Variants in SCN2A observed in about 807,000 individuals in gnomAD.
SCN2A encodes the protein sodium voltage-gated channel alpha subunit 2.
SCN2A carries 20 observed loss-of-function variants against 188.7 expected under a neutral mutation model. The observed-to-expected ratio is 0.11, with a 90% CI of 0.07 to 0.15. The LOEUF is 0.15. SCN2A is among the 10% of genes least tolerant of loss of function. SCN2A has a pLI of 1.00. For synonymous variants in SCN2A, 804 were observed against 833.1 expected (o/e 0.97, Z 0.60); for missense variants, 1,278 against 2,445.0 (o/e 0.52, Z 10.07).
intron 10 of SCN2A, 76 bp from the exon 11 acceptor site, chr2:165,315,395 A>G: frequency 6.3e-7 from 1 of 1,593,212 alleles, no homozygotes; most frequent in South Asian, 1.1e-5. Context: ...CATGATATTG[A>G]AGCTCAATTA....
At chr2:165,342,604 A>T in intron 15 of SCN2A, 135 bp downstream of exon 15, 1 of 905,604 alleles carries the variant, frequency 1.1e-6, no homozygotes, top group South Asian at 1.4e-5. Context: ...GGATTGCCAT[A>T]CCACCAAATG....
intron 19 of SCN2A, among the ~76,000 whole-genome samples, chr2:165,367,996 T>A (rs190673340): frequency 6.6e-6 from 1 of 152,180 alleles, no homozygotes; most frequent in East Asian, 1.9e-4. Flanking sequence ...CAGTGGAGGG[T>A]CAGAGTGACA....
At chr2:165,306,702 A>G (rs1375037284) in intron 3 of SCN2A, among the ~76,000 whole-genome samples, 1 of 152,124 alleles carries the variant, frequency 6.6e-6, no homozygotes, top group Non-Finnish European at 1.5e-5. Flanking sequence ...TGTTTTGACT[A>G]AAACCAGTAC....
At chr2:165,356,457 C>T (rs1199853745) in intron 17 of SCN2A, among the ~76,000 whole-genome samples, 1 of 152,128 alleles carries the variant, frequency 6.6e-6, no homozygotes, top group Non-Finnish European at 1.5e-5. Context: ...CTGAAGTCGG[C>T]ATTTATAAAA....
rs1216584691 is a variant in SCN2A, at chr2:165,365,169, A to G, written c.3426A>G (p.Glu1142=). The G allele has an allele frequency of 1.9e-6, 3 of 1,613,688 alleles. No homozygotes were observed. The highest frequency in any genetic ancestry group is 1.7e-5 in the Admixed American group (1 of 59,994). Residue 1142 remains glutamate, a synonymous_variant, in exon 18 of 27, where the codon GAA becomes GAG. Coordinates refer to ENST00000375437, the MANE Select transcript of SCN2A (RefSeq NM_001040142.2). ...KEKLNATSSS[E]GSTVDIGAPA... ...AGCTAAATGCAACTAGTTCATCTGA[A>G]GGCAGCACGGTTGATATTGGAGCTC...
rs760963593 is a variant in SCN2A, at chr2:165,331,472, C to T, written c.2292C>T (p.Ala764=). Residue 764 remains alanine (A), a synonymous_variant, in exon 14 of 27, where the codon GCC becomes GCT. Coordinates refer to ENST00000375437, the MANE Select transcript of SCN2A (RefSeq NM_001040142.2). The part of the protein sequence containing the change: ...LVVMDPFVDL[A]ITICIVLNTL... ...TAATGGACCCATTTGTTGACCTGGC[C>T]ATCACCATCTGCATTGTCTTAAATA... 3.8e-5 allele frequency: 62 copies of T among 1,613,710 alleles called. No individual in the cohort carries two copies. In the Middle Eastern group the frequency reaches 9.9e-4, roughly 26 times the overall value.
chr2:165,357,324 A>G (rs910513319), intron 17 of SCN2A, among the ~76,000 whole-genome samples: 1 of 152,184 alleles, frequency 6.6e-6, no homozygotes, highest in African/African-American at 2.4e-5. Context: ...ACAGGATTAC[A>G]TTGTTAAATA....
rs772742996 is a variant in SCN2A, at chr2:165,296,982, A to C, written c.268-35A>C. 5 of 1,067,854 alleles carry C rather than the reference A, an allele frequency of 4.7e-6. No individual in the cohort carries two copies. The East Asian group carries it at 1.0e-4, about 22-fold the overall frequency. 66.1% of individuals were successfully genotyped at this position (1,067,854 alleles called of 1,614,324 possible). A position where few individuals can be genotyped will look rare whatever the true frequency, so the allele number is the denominator to read the frequency against. ...TTAAAATATTCTTAATATATATTCT[A>C]AGTTTTATTTTATGTGTTGTGTTTT... is the stretch of plus-strand genomic sequence containing the variant. On this transcript the variant is annotated intron_variant, in intron 2 of 26. Transcript: ENST00000375437.
intron 3 of SCN2A, among the ~76,000 whole-genome samples, chr2:165,306,021 C>T (rs1697107110): frequency 6.6e-6 from 1 of 151,968 alleles, no homozygotes; most frequent in Non-Finnish European, 1.5e-5. Flanking sequence ...GGGAAGGTGT[C>T]CAGAATACCG....
At chr2:165,355,604 C>G (rs1350064968) in intron 17 of SCN2A, among the ~76,000 whole-genome samples, 1 of 151,888 alleles carries the variant, frequency 6.6e-6, no homozygotes. Flanking sequence ...AACTGTTTGG[C>G]GAGGAAGATA....
At chr2:165,256,095 T>C (rs1257629828) in intron 1 of SCN2A, among the ~76,000 whole-genome samples, 2 of 136,974 alleles carry the variant, frequency 1.5e-5, no homozygotes, top group African/African-American at 5.5e-5. Context: ...AACCTCCGCC[T>C]CCCGGGTTCA....
chr2:165,367,147 C>G (rs1700771691), intron 18 of SCN2A, 70 bp from the exon 19 acceptor site: 2 of 1,445,918 alleles, frequency 1.4e-6, no homozygotes, highest in Non-Finnish European at 1.9e-6. Flanking sequence ...GTAAATGAAT[C>G]TCCCACCAAC....
chr2:165,384,438 C>G (rs1440820110), intron 25 of SCN2A, among the ~76,000 whole-genome samples: 1 of 152,032 alleles, frequency 6.6e-6, no homozygotes, highest in African/African-American at 2.4e-5. Context: ...AATGGGAGAA[C>G]AGAACACAGA....
rs549820543 is a variant in SCN2A, at chr2:165,258,274, C to T, written c.-52+18634C>T. Among the ~76,000 whole-genome samples, 289 of 152,176 alleles carry T rather than the reference C, an allele frequency of 1.9e-3. 9 individuals are homozygous for T. In the South Asian group the frequency reaches 0.025, roughly 13 times the overall value. On this transcript the variant is annotated intron_variant, in intron 1 of 26. Transcript: ENST00000375437. Reference sequence around the variant, plus strand: ...TCTGGAATGGTATTTATGAGCTTACCTTCTAGGGTTTTTATAGCTTTAGGT... The same window carrying T: ...TCTGGAATGGTATTTATGAGCTTACTTTCTAGGGTTTTTATAGCTTTAGGT...
chr2:165,303,263 TATTTGAG>T, intron 3 of SCN2A, among the ~76,000 whole-genome samples: 2 of 141,666 alleles, frequency 1.4e-5, no homozygotes, highest in Non-Finnish European at 3.0e-5. Flanking sequence ...GAGTTTTTGT[TATTTGAG>T]TTTTTTTTTT....
intron 16 of SCN2A, among the ~76,000 whole-genome samples, chr2:165,351,998 GTATTTGTCCAGTAC>G (rs1699945176): frequency 1.3e-5 from 2 of 151,978 alleles, no homozygotes; most frequent in Non-Finnish European, 2.9e-5. Flanking sequence ...TGTAAATAGA[GTATTTGTCCAGTAC>G]AGAGGCAATA....
At chr2:165,377,264 T>C (rs916576045) in intron 22 of SCN2A, among the ~76,000 whole-genome samples, 9 of 151,990 alleles carry the variant, frequency 5.9e-5, no homozygotes, top group South Asian at 2.1e-4. Flanking sequence ...ACTATACACA[T>C]GAAATTTTTT....
At position 165,389,681 on chromosome 2, in the gene SCN2A, A is replaced by C; in HGVS notation, c.5875A>C (p.Thr1959Pro). Reference protein sequence around the residue: ...TLIDKLNENSTPEKTDMTPST... With the variant: ...TLIDKLNENSPPEKTDMTPST... ...CATTGATAAACTGAATGAGAATTCAACTCCAGAGAAAACCGATATGACGCC... is the reference window on the plus strand; with the variant it reads ...CATTGATAAACTGAATGAGAATTCACCTCCAGAGAAAACCGATATGACGCC... Residue 1959 changes from threonine to proline, a missense_variant, in exon 27 of 27, where the codon ACT (threonine) becomes CCT (proline). By Grantham distance (38) the Thr-to-Pro change is conservative (BLOSUM62 -1). Around this residue, in one of 17 missense-constraint regions of SCN2A, gnomAD observed 109 missense variants for 137.9 expected, o/e 0.79. Coordinates refer to ENST00000375437, the MANE Select transcript of SCN2A (RefSeq NM_001040142.2). This position sits in a 1 kb window ranked among gnomAD's most constrained non-coding sequence, Gnocchi z 4.2. The C allele has an allele frequency of 6.2e-7, 1 of 1,613,974 alleles. No individual in the cohort carries two copies. The highest frequency in any genetic ancestry group is 8.5e-7 in the Non-Finnish European group (1 of 1,179,956).
chr2:165,281,062 A>G (rs768566580), intron 1 of SCN2A, among the ~76,000 whole-genome samples: 10 of 152,176 alleles, frequency 6.6e-5, no homozygotes, highest in Non-Finnish European at 1.2e-4. Context: ...ATCTCTACAA[A>G]TAAAATAAAT....
Sources: allele counts gnomAD v4.1 joint callset (sites outside exome capture counted in the v4.1 genomes callset), GRCh38; gene constraint gnomAD v4.1.1; regional missense constraint gnomAD v4.1.1; non-coding constraint Gnocchi (gnomAD v3.1); transcripts MANE v1.5; gene names NCBI Gene and HGNC (gene_info 2026-07-23, HGNC 2026-07-21).